Variants in ALOX5 observed in about 807,000 individuals in gnomAD.
ALOX5 encodes the protein polyunsaturated fatty acid 5-lipoxygenase.
Under a neutral mutation model 87.9 loss-of-function variants are expected in ALOX5, and 64 were observed. That is an observed-to-expected ratio of 0.73 (90% confidence interval 0.60 to 0.90). The LOEUF (loss-of-function observed/expected upper bound fraction) is 0.90. ALOX5 is among the 40% of genes least tolerant of loss of function. ALOX5 has a pLI of 0.00. For synonymous variants in ALOX5, 388 were observed against 355.1 expected (o/e 1.09, Z -1.04); for missense variants, 822 against 907.5 (o/e 0.91, Z 1.21).
At chr10:45,390,326 C>T (rs1002352974) in intron 2 of ALOX5, among the ~76,000 whole-genome samples, 9 of 152,232 alleles carry the variant, frequency 5.9e-5, no homozygotes. Context: ...GAACTCAGCT[C>T]TCCAGCAAGC....
chr10:45,389,590 A>T (rs1180676594), intron 2 of ALOX5, among the ~76,000 whole-genome samples: 1 of 152,208 alleles, frequency 6.6e-6, no homozygotes, highest in Non-Finnish European at 1.5e-5. Context: ...ATCCAGCCAA[A>T]CTAAGCTTCA....
intron 6 of ALOX5, chr10:45,428,414 T>A (rs1841803811): frequency 1.6e-6 from 1 of 616,504 alleles, no homozygotes; most frequent in South Asian, 2.4e-5. Flanking sequence ...CATTCCTTCA[T>A]CTTACCCCGA....
chr10:45,416,828 T>C (rs1466425177), intron 4 of ALOX5, among the ~76,000 whole-genome samples: 23 of 146,416 alleles, frequency 1.6e-4, no homozygotes. Flanking sequence ...GATGGATGGA[T>C]GGATGACAGA....
intron 8 of ALOX5, 131 bp downstream of exon 8, chr10:45,440,764 C>A: frequency 1.9e-6 from 2 of 1,028,268 alleles, no homozygotes; most frequent in Non-Finnish European, 2.8e-6. Context: ...GAGAGATGTT[C>A]TCAGAGTCAG....
intron 8 of ALOX5, 97 bp from the exon 9 acceptor site, chr10:45,441,247 C>T (rs1374839544): frequency 1.9e-6 from 2 of 1,045,732 alleles, no homozygotes; most frequent in South Asian, 1.4e-5. Context: ...CCAGCATCAT[C>T]CTATAGGGCA....
intron 7 of ALOX5, among the ~76,000 whole-genome samples, chr10:45,429,257 CCT>C (rs922445171): frequency 1.3e-5 from 2 of 152,156 alleles, no homozygotes; most frequent in African/African-American, 4.8e-5. Context: ...TTTGTCTCCC[CCT>C]GTTCCTGGCA....
At chr10:45,410,716 A>G (rs899409235) in intron 3 of ALOX5, among the ~76,000 whole-genome samples, 1 of 152,158 alleles carries the variant, frequency 6.6e-6, no homozygotes. Context: ...AAAAGCTAAA[A>G]CCCTAAAATG....
chr10:45,382,432 A>T, intron 1 of ALOX5, 51 bp from the exon 2 acceptor site: 1 of 1,600,022 alleles, frequency 6.2e-7, no homozygotes, highest in Non-Finnish European at 8.6e-7. Flanking sequence ...CACCTCCAGA[A>T]CAAAGGCTCA....
Position 45,392,002 on chromosome 10 carries a change from C to A in ALOX5, c.350-3853C>A, listed in dbSNP as rs544199416. Among the ~76,000 whole-genome samples, 651 of 150,502 alleles carry A rather than the reference C, an allele frequency of 4.3e-3. 3 individuals are homozygous for A. Among genetic ancestry groups the A allele is most frequent in the African/African-American group, 0.015 (622 of 40,970 alleles). On this transcript the variant is annotated intron_variant, in intron 2 of 13. Transcript: ENST00000374391. ...GGGAGGGAGGTGGGGGGCGGTCAGC[C>A]CCCCGCCCGGCCAGCCGCCCCGTCC...
intron 3 of ALOX5, among the ~76,000 whole-genome samples, chr10:45,397,392 A>G (rs1840552524): frequency 6.6e-6 from 1 of 152,180 alleles, no homozygotes; most frequent in East Asian, 1.9e-4. Flanking sequence ...CATACACAAA[A>G]AAAGAAAATT....
At chr10:45,378,291 C>T (rs1011964191) in intron 1 of ALOX5, among the ~76,000 whole-genome samples, 1 of 152,164 alleles carries the variant, frequency 6.6e-6, no homozygotes, top group Non-Finnish European at 1.5e-5. Context: ...CGGTTCAGGG[C>T]TTTTCTCAAG....
In ALOX5 at chr10:45,412,299, G is replaced by A. The variant is rs995193493; in HGVS notation, c.540G>A (p.Leu180=). 1.9e-6 allele frequency: 3 copies of A among 1,614,046 alleles called. No homozygotes were observed. Among genetic ancestry groups the A allele is most frequent in the South Asian group, 2.2e-5 (2 of 91,082 alleles). The change falls in exon 4 of 14, where the codon CTG becomes CTA. Residue 180 remains leucine, a synonymous_variant. Coordinates refer to ENST00000374391, the MANE Select transcript of ALOX5 (RefSeq NM_000698.5). ...FDSEKGVDFV[L]NYSKAMENLF... ...GTGAAAAAGGAGTGGACTTTGTTCT[G>A]AATTACTCCAAAGCGTAAGTTTACG...
At chr10:45,415,028 G>A (rs1420882630) in intron 4 of ALOX5, among the ~76,000 whole-genome samples, 8 of 152,194 alleles carry the variant, frequency 5.3e-5, no homozygotes, top group Non-Finnish European at 7.3e-5. Flanking sequence ...ACAGTGTGAC[G>A]ATTCCTCAAG....
At chr10:45,438,224 G>A (rs1332326150) in intron 7 of ALOX5, among the ~76,000 whole-genome samples, 1 of 151,746 alleles carries the variant, frequency 6.6e-6, no homozygotes, top group African/African-American at 2.4e-5. Context: ...GGAGGGGTGA[G>A]AGTGGACATC....
rs1841677679 is a variant in ALOX5 at position 45,425,623 on chromosome 10, G to T, written c.834+491G>T. Among the ~76,000 whole-genome samples, 1 of 152,152 alleles carries T rather than the reference G, an allele frequency of 6.6e-6. No individual in the cohort carries two copies. The highest frequency in any genetic ancestry group is 1.5e-5 in the Non-Finnish European group (1 of 68,028). Reference sequence around the variant, plus strand: ...AAATGCTGCTGCCCATGCTCCTGTCGCACCCTCCTCCCCACCCTCACCTGC... The same window carrying T: ...AAATGCTGCTGCCCATGCTCCTGTCTCACCCTCCTCCCCACCCTCACCTGC... On this transcript the variant is annotated intron_variant, in intron 6 of 13. Transcript: ENST00000374391. The surrounding 1 kb of genome is among the most constrained non-coding windows in gnomAD (Gnocchi z 4.4).
chr10:45,380,606 G>A (rs149745800), intron 1 of ALOX5, among the ~76,000 whole-genome samples: 2 of 152,196 alleles, frequency 1.3e-5, no homozygotes, highest in Non-Finnish European at 2.9e-5. Context: ...AGGTTCTGCC[G>A]CCAGGGATAA....
intron 1 of ALOX5, among the ~76,000 whole-genome samples, chr10:45,380,345 T>C (rs7077891): frequency 0.16 from 25,098 of 152,270 alleles, 2,139 homozygotes; most frequent in South Asian, 0.19. Context: ...TGGCCTAGAC[T>C]ACAGAGCACA....
chr10:45,398,089 C>T (rs1354509160), intron 3 of ALOX5, among the ~76,000 whole-genome samples: 3 of 152,116 alleles, frequency 2.0e-5, no homozygotes, highest in Non-Finnish European at 4.4e-5. Flanking sequence ...TTCTCAATAT[C>T]AAAATTACTA....
rs749475294 is a variant in ALOX5 at position 45,443,548 on chromosome 10, C to T, written c.1573+11C>T. 1.1e-5 allele frequency: 18 copies of T among 1,607,906 alleles called. No homozygotes were observed. Among genetic ancestry groups the T allele is most frequent in the Non-Finnish European group, 1.4e-5 (17 of 1,176,316 alleles). On this transcript the variant is annotated intron_variant, in intron 11 of 13. Coordinates refer to ENST00000374391, the MANE Select transcript of ALOX5 (RefSeq NM_000698.5). Reference sequence around the variant, plus strand: ...GCCGCAAGTCCTCAGGTAGGGCCTCCGGGACGTCTCCGGACCCGGCTCCCC... The same window carrying T: ...GCCGCAAGTCCTCAGGTAGGGCCTCTGGGACGTCTCCGGACCCGGCTCCCC...
Sources: allele counts gnomAD v4.1 joint callset (sites outside exome capture counted in the v4.1 genomes callset), GRCh38; gene constraint gnomAD v4.1.1; non-coding constraint Gnocchi (gnomAD v3.1); transcripts MANE v1.5; gene names NCBI Gene and HGNC (gene_info 2026-07-23, HGNC 2026-07-21).